Variants in PFKFB3 observed in about 807,000 individuals in gnomAD.
PFKFB3 encodes the protein 6-phosphofructo-2-kinase/fructose-2,6-bisphosphatase 3.
A neutral mutation model predicts 68.0 loss-of-function variants in PFKFB3; 33 were observed. The observed-to-expected ratio is 0.49, with a 90% CI of 0.37 to 0.65. The LOEUF is 0.65. Among genes scored for constraint, PFKFB3 ranks in the 30% least tolerant of loss-of-function variants. The pLI is 0.00. For synonymous variants in PFKFB3, 315 were observed against 288.2 expected (o/e 1.09, Z -0.94); for missense variants, 586 against 712.2 (o/e 0.82, Z 2.02).
chr10:6,266,015 A>G, the PFKFB3 span, among the ~76,000 whole-genome samples: 1 of 151,992 alleles, frequency 6.6e-6, no homozygotes, highest in Non-Finnish European at 1.5e-5. Flanking sequence ...CGCTCAAGGA[A>G]TCCTCCTGCC....
chr10:6,308,272 G>A, the PFKFB3 span, among the ~76,000 whole-genome samples: 1 of 152,168 alleles, frequency 6.6e-6, no homozygotes, highest in African/African-American at 2.4e-5. Context: ...CAACACTTAG[G>A]GAGGCCAAGG....
intron 6 of PFKFB3, 119 bp from the exon 7 acceptor site, chr10:6,219,450 C>T (rs555599494): frequency 9.5e-5 from 102 of 1,070,946 alleles, no homozygotes; most frequent in Middle Eastern, 4.1e-4. Context: ...CACGCTGGGC[C>T]GGATAATCTT....
Position 6,221,516 on chromosome 10 carries a change from G to A in PFKFB3, c.967G>A (p.Glu323Lys), listed in dbSNP as rs1844956519. 2.5e-6 allele frequency: 4 copies of A among 1,613,246 alleles called. No homozygotes were observed. Among genetic ancestry groups the A allele is most frequent in the Non-Finnish European group, 3.4e-6 (4 of 1,179,988 alleles). Residue 323 changes from glutamate (E) to lysine (K), a missense_variant, in exon 9 of 15, where the codon GAG (glutamate) becomes AAG (lysine). Glu to Lys is a moderately conservative substitution (Grantham distance 56). Coordinates refer to ENST00000379775, the MANE Select transcript of PFKFB3 (RefSeq NM_004566.4). ...LPYEQWKALNEIDAGVCEELT... is the reference protein window; with the variant it reads ...LPYEQWKALNKIDAGVCEELT... Reference sequence around the variant, plus strand: ...CTACGAGCAGTGGAAGGCGCTCAATGAGATCGACGCGGTGAGTCCTGGGAG... The same window carrying A: ...CTACGAGCAGTGGAAGGCGCTCAATAAGATCGACGCGGTGAGTCCTGGGAG...
rs142604832 is a variant in PFKFB3, at chr10:6,249,631, G to A, written c.1516-4547G>A. ...ATGTCCTCACTTATATGTGGAATCC[G>A]AAACAGTCAAACTCAAAGAAGCAGA... On this transcript the variant is annotated intron_variant, in intron 14 of 14. Transcript: ENST00000640683. Among the ~76,000 whole-genome samples, 593 of 152,254 alleles carry A rather than the reference G, an allele frequency of 3.9e-3. 4 individuals are homozygous for A. The highest frequency in any genetic ancestry group is 0.014 in the African/African-American group (563 of 41,536).
At position 6,210,049 on chromosome 10, in the gene PFKFB3, G is replaced by GTGCGCCCCTCTCTTGTTCTGCAGT. The variant is rs1204853552; in HGVS notation, c.77-3574_77-3573insTGCGCCCCTCTCTTGTTCTGCAGT. Among the ~76,000 whole-genome samples, 896 of 122,458 alleles carry GTGCGCCCCTCTCTTGTTCTGCAGT rather than the reference G, an allele frequency of 7.3e-3. 105 individuals carry two copies. Among genetic ancestry groups the GTGCGCCCCTCTCTTGTTCTGCAGT allele is most frequent in the Non-Finnish European group, 0.011 (536 of 49,906 alleles). 80.3% of individuals were successfully genotyped at this position (122,458 alleles called of 152,430 possible). On this transcript the variant is annotated intron_variant, in intron 1 of 14. Coordinates refer to ENST00000379775, the MANE Select transcript of PFKFB3 (RefSeq NM_004566.4). ...TTACAGGCGTGAGCCACCGTGCCCGGCCTAATACTTATCTTTTCTAATCAC... is the reference window on the plus strand; with the variant it reads ...TTACAGGCGTGAGCCACCGTGCCCGGTGCGCCCCTCTCTTGTTCTGCAGTCCTAATACTTATCTTTTCTAATCAC...
At chr10:6,203,826 TC>T (rs1180068982) in intron 1 of PFKFB3, among the ~76,000 whole-genome samples, 2 of 152,244 alleles carry the variant, frequency 1.3e-5, no homozygotes, top group African/African-American at 4.8e-5. Flanking sequence ...TGTCCTGTTT[TC>T]TCTTTCGATA....
At chr10:6,289,954 C>T in the PFKFB3 span, among the ~76,000 whole-genome samples, 2 of 151,776 alleles carry the variant, frequency 1.3e-5, no homozygotes, top group African/African-American at 4.8e-5. Flanking sequence ...GTATTTTATT[C>T]TCTTTGAAGC....
rs543718902 is a variant in PFKFB3 at position 6,220,407 on chromosome 10, C to T, written c.624-251C>T. On this transcript the variant is annotated intron_variant, in intron 7 of 14. Transcript: ENST00000379775. This position sits in a 1 kb window ranked among gnomAD's most constrained non-coding sequence, Gnocchi z 4.1. The stretch of plus-strand genomic sequence containing the variant: ...CATGAGCCACTGCACAGGCCCCTTT[C>T]TTTTTTTCTCCATTTTCTTTCTTTT... Among the ~76,000 whole-genome samples, 60 of 152,268 alleles carry T rather than the reference C, an allele frequency of 3.9e-4. No individual in the cohort carries two copies. The South Asian group carries it at 0.01, about 26-fold the overall frequency.
At chr10:6,159,352 G>A (rs1279194686) in intron 1 of PFKFB3, among the ~76,000 whole-genome samples, 9 of 150,346 alleles carry the variant, frequency 6.0e-5, no homozygotes, top group Non-Finnish European at 1.0e-4. Flanking sequence ...AGGAGATCGC[G>A]CCACTGCACT....
At chr10:6,256,060 C>G (rs763611913), downstream of PFKFB3, among the ~76,000 whole-genome samples, 1 of 152,170 alleles carries the variant, frequency 6.6e-6, no homozygotes, top group African/African-American at 2.4e-5. Context: ...TTGGGATAAG[C>G]CACATAAACT....
At chr10:6,293,151 TC>T in the PFKFB3 span, 3 of 456,800 alleles carry the variant, frequency 6.6e-6, no homozygotes, top group Non-Finnish European at 1.3e-5. Flanking sequence ...CTTGGTGTCA[TC>T]CACTTAATCT....
the PFKFB3 span, among the ~76,000 whole-genome samples, chr10:6,318,182 C>T: frequency 7.2e-5 from 11 of 152,192 alleles, no homozygotes; most frequent in African/African-American, 2.2e-4. Context: ...GGGTGCAGGG[C>T]TCCTCCTGTG....
chr10:6,265,549 G>A, the PFKFB3 span, among the ~76,000 whole-genome samples: 1 of 152,030 alleles, frequency 6.6e-6, no homozygotes, highest in African/African-American at 2.4e-5. Context: ...AAGTCATGTT[G>A]TGTCTCTTGG....
chr10:6,164,614 C>T (rs1405040055), intron 1 of PFKFB3, among the ~76,000 whole-genome samples: 2 of 151,836 alleles, frequency 1.3e-5, no homozygotes, highest in Non-Finnish European at 2.9e-5. Flanking sequence ...ATACGAAGGA[C>T]CCGCACTGGT....
At chr10:6,155,492 C>T (rs775581821) in intron 1 of PFKFB3, among the ~76,000 whole-genome samples, 1 of 152,168 alleles carries the variant, frequency 6.6e-6, no homozygotes, top group Non-Finnish European at 1.5e-5. Flanking sequence ...GCGTGAGCCA[C>T]CGCACCTGGC....
At chr10:6,231,106 C>T (rs1318917875) in intron 14 of PFKFB3, among the ~76,000 whole-genome samples, 3 of 152,088 alleles carry the variant, frequency 2.0e-5, no homozygotes, top group Non-Finnish European at 4.4e-5. Context: ...TTCCTGGGGG[C>T]TGTGCCGGCT....
At chr10:6,256,654 A>G (rs977715070), downstream of PFKFB3, among the ~76,000 whole-genome samples, 5 of 152,250 alleles carry the variant, frequency 3.3e-5, no homozygotes, top group Non-Finnish European at 5.9e-5. Context: ...GGCTCCTCCC[A>G]GGTGTATTTA....
chr10:6,163,696 ACCGGCGG>A (rs1842033958), intron 1 of PFKFB3: 1 of 95,568 alleles, frequency 1.0e-5, no homozygotes, highest in Non-Finnish European at 2.0e-5. Flanking sequence ...GCGTGGCGGG[ACCGGCGG>A]GGGCGGGGCC....
At position 6,215,387 on chromosome 10, in the gene PFKFB3, TGCAGGAGTAAGGCTGGGCC is replaced by T; in HGVS notation, c.299+73_299+91del. 8.2e-7 allele frequency: 1 copy of T among 1,221,186 alleles called. No homozygotes were observed. Among genetic ancestry groups the T allele is most frequent in the Non-Finnish European group, 1.2e-6 (1 of 835,310 alleles). The allele number at this position is 1,221,186 out of a possible 1,614,324, so 75.6% of individuals were successfully genotyped here. On this transcript the variant is annotated intron_variant, in intron 3 of 14. Coordinates refer to ENST00000379775, the MANE Select transcript of PFKFB3 (RefSeq NM_004566.4). This position sits in a 1 kb window ranked among gnomAD's most constrained non-coding sequence, Gnocchi z 4.3. ...CTGGGCCGCGGGCATAAGGCTGGGCTGCAGGAGTAAGGCTGGGCCGCGGGCGTAGGGCTGGGCTGTGGGA... is the reference window on the plus strand; with the variant it reads ...CTGGGCCGCGGGCATAAGGCTGGGCTGCGGGCGTAGGGCTGGGCTGTGGGA...
Sources: gnomAD v4.1 joint callset for allele counts (sites outside exome capture counted in the v4.1 genomes callset) on GRCh38, gnomAD v4.1.1 for gene constraint, Gnocchi (gnomAD v3.1) non-coding constraint, MANE v1.5 for transcripts, NCBI Gene and HGNC (gene_info 2026-07-23, HGNC 2026-07-21) for gene names.